BBX: variants seen among roughly 807,000 people sequenced by gnomAD.
The protein encoded by BBX is HMG box transcription factor BBX.
Under a neutral mutation model 100.2 loss-of-function variants are expected in BBX, and 30 were observed. The ratio of observed to expected loss-of-function variants is 0.30; its 90% CI spans 0.22 to 0.41. BBX has a LOEUF of 0.41. Among genes scored for constraint, BBX ranks in the 10% least tolerant of loss-of-function variants. The probability of loss-of-function intolerance (pLI) is 1.00; values close to 1 mark genes in which losing one functional copy is unlikely to be tolerated. For missense variants in BBX, 1,023 were observed against 1,129.8 expected (o/e 0.91, Z 1.35); for synonymous variants, 376 against 388.1 (o/e 0.97, Z 0.37).
At chr3:107,685,511 T>A (rs1392971209) in intron 3 of BBX, among the ~76,000 whole-genome samples, 2 of 152,236 alleles carry the variant, frequency 1.3e-5, no homozygotes, top group Non-Finnish European at 2.9e-5. Flanking sequence ...TTCCCTTTCC[T>A]TCTCAGCCTT....
intron 3 of BBX, among the ~76,000 whole-genome samples, chr3:107,653,484 C>T (rs1351734200): frequency 1.3e-5 from 2 of 152,040 alleles, no homozygotes; most frequent in South Asian, 2.1e-4. Context: ...GTGTTTTGTT[C>T]TGGGATGTAT....
chr3:107,681,115 T>C (rs1301000973), intron 3 of BBX, among the ~76,000 whole-genome samples: 1 of 152,142 alleles, frequency 6.6e-6, no homozygotes, highest in Admixed American at 6.6e-5. Context: ...TTTAACAAAA[T>C]TAAGCCAATT....
intron 2 of BBX, among the ~76,000 whole-genome samples, chr3:107,592,058 C>T (rs2053357112): frequency 6.6e-6 from 1 of 151,852 alleles, no homozygotes; most frequent in African/African-American, 2.4e-5. Flanking sequence ...ATGACTGTGG[C>T]TTCATATTAG....
intron 10 of BBX, among the ~76,000 whole-genome samples, chr3:107,763,309 C>T (rs1295326194): frequency 1.3e-5 from 2 of 151,476 alleles, no homozygotes; most frequent in African/African-American, 4.9e-5. Flanking sequence ...ACTGCAAGCT[C>T]CGCCTCCCGG....
intron 2 of BBX, among the ~76,000 whole-genome samples, chr3:107,610,879 T>C (rs1159687326): frequency 6.6e-6 from 1 of 152,062 alleles, no homozygotes; most frequent in Non-Finnish European, 1.5e-5. Flanking sequence ...AGTTAGGACT[T>C]ACTCCTGCCA....
intron 2 of BBX, among the ~76,000 whole-genome samples, chr3:107,552,766 A>G (rs181112963): frequency 6.6e-6 from 1 of 152,264 alleles, no homozygotes; most frequent in East Asian, 1.9e-4. Context: ...TAACATGACA[A>G]ATTCTAATAT....
intron 15 of BBX, among the ~76,000 whole-genome samples, chr3:107,795,829 G>A (rs2069592358): frequency 6.6e-6 from 1 of 151,996 alleles, no homozygotes; most frequent in Non-Finnish European, 1.5e-5. Flanking sequence ...CCCTTTTGCA[G>A]CTGTGCCTTA....
At chr3:107,565,454 T>TATTG (rs1485559084) in intron 2 of BBX, among the ~76,000 whole-genome samples, 2 of 146,568 alleles carry the variant, frequency 1.4e-5, no homozygotes. Context: ...TTTATTTATT[T>TATTG]ATTTATTTAT....
intron 2 of BBX, among the ~76,000 whole-genome samples, chr3:107,532,577 G>A (rs947808685): frequency 7.2e-5 from 11 of 152,172 alleles, no homozygotes; most frequent in Non-Finnish European, 1.5e-4. Flanking sequence ...AAGCTAAGGA[G>A]AAGATAAATG....
At chr3:107,805,290 C>A in intron 17 of BBX, 80 bp from the exon 18 acceptor site, 1 of 1,392,074 alleles carries the variant, frequency 7.2e-7, no homozygotes, top group South Asian at 1.5e-5. Context: ...GATATTGGAA[C>A]ACACTTGTTA....
chr3:107,537,438 T>C (rs1452241388), intron 2 of BBX, among the ~76,000 whole-genome samples: 1 of 152,232 alleles, frequency 6.6e-6, no homozygotes, highest in Non-Finnish European at 1.5e-5. Context: ...AAATAAATTA[T>C]ACTAACTGGG....
intron 2 of BBX, among the ~76,000 whole-genome samples, chr3:107,581,136 C>A (rs1457814143): frequency 6.6e-6 from 1 of 152,000 alleles, no homozygotes; most frequent in African/African-American, 2.4e-5. Flanking sequence ...CAAATTTAAA[C>A]CAAGCTTTTA....
chr3:107,664,976 G>T (rs776818986), intron 3 of BBX, among the ~76,000 whole-genome samples: 3 of 151,968 alleles, frequency 2.0e-5, no homozygotes, highest in African/African-American at 7.2e-5. Flanking sequence ...TCTGATATTT[G>T]TACACACTGT....
chr3:107,670,380 A>G (rs2058958502), intron 3 of BBX, among the ~76,000 whole-genome samples: 1 of 152,132 alleles, frequency 6.6e-6, no homozygotes, highest in Non-Finnish European at 1.5e-5. Context: ...GAATGACTGT[A>G]GTTAATAATA....
chr3:107,627,783 A>G (rs2056291060), intron 2 of BBX, among the ~76,000 whole-genome samples: 1 of 152,064 alleles, frequency 6.6e-6, no homozygotes, highest in Non-Finnish European at 1.5e-5. Context: ...AATGTAAAAT[A>G]GTTATTTTTA....
At chr3:107,676,529 A>T (rs2107953966) in intron 3 of BBX, among the ~76,000 whole-genome samples, 1 of 152,290 alleles carries the variant, frequency 6.6e-6, no homozygotes, top group East Asian at 1.9e-4. Context: ...GGGCAGCAGT[A>T]ACAGTAATTA....
intron 2 of BBX, among the ~76,000 whole-genome samples, chr3:107,542,220 G>A (rs2048914605): frequency 6.6e-6 from 1 of 152,124 alleles, no homozygotes; most frequent in Admixed American, 6.5e-5. Context: ...TACTGTGGGA[G>A]AATGATAGAA....
rs1308577396 is a variant in BBX, at chr3:107,776,183, T to TG, written c.2054+1327dup. On this transcript the variant is annotated intron_variant, in intron 12 of 17. Transcript: ENST00000325805. ...AGAGGAGCAGGTGTTATGTAGGCAGTGTGAGGTCCTAGGGGAATAAAGCAA... is the reference window on the plus strand; with the variant it reads ...AGAGGAGCAGGTGTTATGTAGGCAGTGGTGAGGTCCTAGGGGAATAAAGCAA... The TG allele has an allele frequency of 2.6e-5, 4 of 152,080 alleles. 1 individual carries two copies. Among genetic ancestry groups the TG allele is most frequent in the Admixed American group, 2.6e-4 (4 of 15,250 alleles). 9.4% of individuals were successfully genotyped at this position (152,080 alleles called of 1,614,324 possible). A position where few individuals can be genotyped will look rare whatever the true frequency, so the allele number is the denominator to read the frequency against.
intron 5 of BBX, among the ~76,000 whole-genome samples, chr3:107,726,121 G>A (rs922176200): frequency 2.6e-5 from 4 of 151,884 alleles, no homozygotes; most frequent in African/African-American, 4.8e-5. Flanking sequence ...TCAGCTGTTC[G>A]CTTCAGAGGA....
Sources: allele counts gnomAD v4.1 joint callset (sites outside exome capture counted in the v4.1 genomes callset), GRCh38; gene constraint gnomAD v4.1.1; transcripts MANE v1.5; gene names NCBI Gene and HGNC (gene_info 2026-07-23, HGNC 2026-07-21).